RBFOX1: variants seen among roughly 807,000 people sequenced by gnomAD.
RBFOX1 encodes the protein RNA binding fox-1 homolog 1, also known as RNA binding protein fox-1 homolog 1.
A neutral mutation model predicts 57.7 loss-of-function variants in RBFOX1; 8 were observed. That is an observed-to-expected ratio of 0.14 (90% CI 0.08 to 0.25). The LOEUF is 0.25. Among genes scored for constraint, RBFOX1 ranks in the 10% least tolerant of loss-of-function variants. The pLI is 1.00. For missense variants in RBFOX1, 611 were observed against 548.5 expected (o/e 1.11, Z -1.14); for synonymous variants, 326 against 222.4 (o/e 1.47, Z -4.15).
chr16:6,465,294 A>C (rs1424650170), intron 2 of RBFOX1, among the ~76,000 whole-genome samples: 15 of 152,128 alleles, frequency 9.9e-5, no homozygotes, highest in Admixed American at 9.8e-4. Flanking sequence ...ATTTTATTTC[A>C]TAGGGAGAAG....
intron 3 of RBFOX1, among the ~76,000 whole-genome samples, chr16:6,782,266 A>C (rs1486356761): frequency 6.6e-6 from 1 of 152,044 alleles, no homozygotes; most frequent in Non-Finnish European, 1.5e-5. Flanking sequence ...CGGGCTCCCA[A>C]AGTGTTTTGT....
intron 13 of RBFOX1, among the ~76,000 whole-genome samples, chr16:7,675,024 C>T (rs140562338): frequency 6.6e-6 from 1 of 152,318 alleles, no homozygotes; most frequent in East Asian, 1.9e-4. Flanking sequence ...ATTCATACCA[C>T]ACACATTCTC....
intron 3 of RBFOX1, among the ~76,000 whole-genome samples, chr16:6,720,160 C>G (rs1026122455): frequency 6.6e-6 from 1 of 152,018 alleles, no homozygotes; most frequent in African/African-American, 2.4e-5. Context: ...AGCAAAATAT[C>G]TGACACAGGG....
At chr16:7,628,558 AC>A (rs1279624022) in intron 10 of RBFOX1, among the ~76,000 whole-genome samples, 1 of 152,006 alleles carries the variant, frequency 6.6e-6, no homozygotes, top group Non-Finnish European at 1.5e-5. Flanking sequence ...ACCTGCTAAA[AC>A]TGGAAATACC....
intron 1 of RBFOX1, among the ~76,000 whole-genome samples, chr16:6,264,264 A>C (rs1233007697): frequency 6.6e-6 from 1 of 152,192 alleles, no homozygotes; most frequent in African/African-American, 2.4e-5. Context: ...ACTGAGGTCC[A>C]AGGAAGTATG....
chr16:7,605,295 A>G (rs2095241672), intron 9 of RBFOX1, among the ~76,000 whole-genome samples: 3 of 152,174 alleles, frequency 2.0e-5, no homozygotes, highest in Admixed American at 1.3e-4. Flanking sequence ...ATAAGGCAAG[A>G]TGTGATTAAT....
intron 10 of RBFOX1, among the ~76,000 whole-genome samples, chr16:7,620,533 G>C (rs770842240): frequency 4.6e-5 from 7 of 152,090 alleles, no homozygotes; most frequent in South Asian, 2.1e-4. Flanking sequence ...CTGCCCAAAG[G>C]CTTCCTTGGT....
chr16:5,275,813 A>G (rs1362987903), intron 1 of RBFOX1, among the ~76,000 whole-genome samples: 2 of 152,230 alleles, frequency 1.3e-5, no homozygotes, highest in African/African-American at 4.8e-5. Context: ...TGACCAAAAC[A>G]GCATGGTGCT....
chr16:5,412,740 G>C (rs1396825463), intron 1 of RBFOX1, among the ~76,000 whole-genome samples: 1 of 152,164 alleles, frequency 6.6e-6, no homozygotes, highest in Non-Finnish European at 1.5e-5. Flanking sequence ...TATATGACAG[G>C]GAAAAAAATC....
chr16:6,237,306 T>C (rs968968450), intron 1 of RBFOX1, among the ~76,000 whole-genome samples: 23 of 152,306 alleles, frequency 1.5e-4, no homozygotes, highest in African/African-American at 5.3e-4. Flanking sequence ...AATCCTACTT[T>C]TCCCTGTGGA....
At chr16:5,967,177 C>T (rs1356118925) in intron 4 of RBFOX1, among the ~76,000 whole-genome samples, 1 of 152,162 alleles carries the variant, frequency 6.6e-6, no homozygotes, top group Non-Finnish European at 1.5e-5. Context: ...ATATTTACTA[C>T]TTGACCTTTT....
chr16:6,972,076 T>C (rs572308863), intron 3 of RBFOX1, among the ~76,000 whole-genome samples: 2 of 152,326 alleles, frequency 1.3e-5, no homozygotes, highest in African/African-American at 4.8e-5. Flanking sequence ...AGAGATATAT[T>C]ACAGCATTTT....
At chr16:5,790,969 A>G (rs919899525) in intron 3 of RBFOX1, among the ~76,000 whole-genome samples, 1 of 151,394 alleles carries the variant, frequency 6.6e-6, no homozygotes, top group East Asian at 1.9e-4. Context: ...TCTGGGTTCA[A>G]GTGATTCTTT....
intron 4 of RBFOX1, among the ~76,000 whole-genome samples, chr16:7,328,003 T>C (rs1334468611): frequency 1.3e-5 from 2 of 152,126 alleles, no homozygotes; most frequent in African/African-American, 4.8e-5. Flanking sequence ...TGTTTCTTCC[T>C]TCTCTTTCAT....
At chr16:5,461,906 G>T (rs1051139846) in intron 1 of RBFOX1, among the ~76,000 whole-genome samples, 1 of 152,112 alleles carries the variant, frequency 6.6e-6, no homozygotes, top group African/African-American at 2.4e-5. Context: ...AGGGACAAGG[G>T]GTAGCTATCT....
chr16:5,412,865 A>G (rs1412322662), intron 1 of RBFOX1, among the ~76,000 whole-genome samples: 1 of 152,198 alleles, frequency 6.6e-6, no homozygotes, highest in East Asian at 1.9e-4. Flanking sequence ...TCCTGAGCAG[A>G]CAACTGTGAG....
At chr16:5,826,718 A>T (rs537393397) in intron 3 of RBFOX1, among the ~76,000 whole-genome samples, 2 of 152,230 alleles carry the variant, frequency 1.3e-5, no homozygotes, top group Non-Finnish European at 2.9e-5. Context: ...CATATTAATT[A>T]AAATCACATC....
intron 2 of RBFOX1, among the ~76,000 whole-genome samples, chr16:5,549,353 C>G (rs887731314): frequency 2.0e-5 from 3 of 152,166 alleles, no homozygotes; most frequent in African/African-American, 4.8e-5. Context: ...GTAACTGGAT[C>G]TGCTTCTTCA....
chr16:6,667,096 T>C (rs969813245), intron 3 of RBFOX1, among the ~76,000 whole-genome samples: 1 of 152,090 alleles, frequency 6.6e-6, no homozygotes, highest in African/African-American at 2.4e-5. Flanking sequence ...TTTTGGGAAA[T>C]TTGAGGGTGG....
Sources: allele counts gnomAD v4.1 joint callset (sites outside exome capture counted in the v4.1 genomes callset), GRCh38; gene constraint gnomAD v4.1.1; transcripts MANE v1.5; gene names NCBI Gene and HGNC (gene_info 2026-07-23, HGNC 2026-07-21).